PLOD2: variants seen among roughly 807,000 people sequenced by gnomAD.
The protein encoded by PLOD2 is procollagen-lysine,2-oxoglutarate 5-dioxygenase 2.
A neutral mutation model predicts 101.0 loss-of-function variants in PLOD2; 65 were observed. The observed-to-expected ratio is 0.64, with a 90% CI of 0.53 to 0.79. The LOEUF is 0.79. PLOD2 is among the 30% of genes least tolerant of loss of function. The pLI, the probability that PLOD2 is intolerant of heterozygous loss-of-function variation, is 0.00. For synonymous variants in PLOD2, 314 were observed against 302.9 expected, an observed-to-expected ratio of 1.04 and a Z score of -0.38; for missense variants, 909 against 914.6, an observed-to-expected ratio of 0.99 and a Z score of 0.08.
chr3:146,159,416 T>C (rs1052609724), intron 1 of PLOD2, among the ~76,000 whole-genome samples: 14 of 152,214 alleles, frequency 9.2e-5, no homozygotes, highest in Admixed American at 2.6e-4. Context: ...TTAGGGGTGT[T>C]GGCAATGAAG....
chr3:146,130,924 A>G (rs1559864836), intron 1 of PLOD2, among the ~76,000 whole-genome samples: 1 of 152,190 alleles, frequency 6.6e-6, no homozygotes, highest in Non-Finnish European at 1.5e-5. Context: ...TGGTTTCCAG[A>G]TGGTCTTCCA....
At position 146,070,867 on chromosome 3, in the gene PLOD2, A is replaced by G. The variant is rs1344864014; in HGVS notation, c.2127T>C (p.Gly709=). 1 of 1,607,148 alleles carries G rather than the reference A, an allele frequency of 6.2e-7. No homozygotes were observed. Among genetic ancestry groups the G allele is most frequent in the Admixed American group, 1.7e-5 (1 of 59,592 alleles). ...AATTGTACCTTAGAAATTTGCAACC[A>G]CCTCCCTAAAAAAGTTAAAATGAAG... The part of the protein sequence containing the change: ...LNNVGEDFQG[G]GCKFLRYNCS... Residue 709 remains glycine (G), a synonymous_variant, in exon 20 of 20, where the codon GGT becomes GGC. Coordinates refer to ENST00000282903, the MANE Select transcript of PLOD2 (RefSeq NM_182943.3).
At chr3:146,086,939 A>G (rs751265973) in intron 9 of PLOD2, 31 bp from the exon 10 acceptor site, 1 of 1,325,718 alleles carries the variant, frequency 7.5e-7, no homozygotes, top group Non-Finnish European at 1.1e-6. Context: ...CAAAAATTAG[A>G]GAATAAGACA....
chr3:146,111,029 A>G (rs987236466), intron 3 of PLOD2, among the ~76,000 whole-genome samples: 40 of 85,258 alleles, frequency 4.7e-4, no homozygotes, highest in African/African-American at 1.7e-3. Context: ...AAAAACTGAC[A>G]CTATAATTTA....
intron 15 of PLOD2, among the ~76,000 whole-genome samples, chr3:146,075,099 T>C (rs1409003848): frequency 6.6e-6 from 1 of 151,654 alleles, no homozygotes; most frequent in Non-Finnish European, 1.5e-5. Flanking sequence ...AAGTGAAATA[T>C]GGAATTCTAC....
At chr3:146,100,413 G>A (rs1283729699) in intron 7 of PLOD2, among the ~76,000 whole-genome samples, 1 of 152,136 alleles carries the variant, frequency 6.6e-6, no homozygotes, top group Non-Finnish European at 1.5e-5. Flanking sequence ...CAGAAAACAG[G>A]CAAATATCAT....
chr3:146,095,964 C>A (rs1338058801), intron 7 of PLOD2, among the ~76,000 whole-genome samples: 2 of 142,750 alleles, frequency 1.4e-5, no homozygotes, highest in African/African-American at 5.1e-5. Flanking sequence ...CTGCTGCCAT[C>A]TCGGCTCACT....
At chr3:146,079,279 TC>T in intron 12 of PLOD2, 22 bp from the exon 13 acceptor site, 1 of 1,569,404 alleles carries the variant, frequency 6.4e-7, no homozygotes, top group Non-Finnish European at 8.8e-7. Flanking sequence ...GAGAAGACAT[TC>T]TTATATACCA....
rs1381712646 is a variant in PLOD2, at chr3:146,110,185, T to A, written c.502+100A>T. 3 of 980,140 alleles carry A rather than the reference T, an allele frequency of 3.1e-6. No individual in the cohort carries two copies. In the Admixed American group the frequency reaches 5.3e-5, roughly 17 times the overall value. 60.7% of individuals were successfully genotyped at this position (980,140 alleles called of 1,614,324 possible). On this transcript the variant is annotated intron_variant, in intron 4 of 19. Transcript: ENST00000282903. ...AATATACTAATAATAAAATAAGGGTTATTTAAAACTTCATATCTAAAGTTA... is the reference window on the plus strand; with the variant it reads ...AATATACTAATAATAAAATAAGGGTAATTTAAAACTTCATATCTAAAGTTA...
intron 12 of PLOD2, among the ~76,000 whole-genome samples, chr3:146,081,252 A>T (rs879385734): frequency 1.2e-4 from 18 of 151,644 alleles, no homozygotes; most frequent in Non-Finnish European, 1.6e-4. Context: ...TAATATTGGT[A>T]AAAAAAACTT....
chr3:146,071,229 G>C, intron 18 of PLOD2, 48 bp downstream of exon 18: 1 of 1,610,830 alleles, frequency 6.2e-7, no homozygotes, highest in Non-Finnish European at 8.5e-7. Context: ...AAGAACACCT[G>C]TGTAAAAATG....
intron 1 of PLOD2, among the ~76,000 whole-genome samples, chr3:146,151,376 A>C (rs955821941): frequency 2.6e-5 from 4 of 152,194 alleles, no homozygotes; most frequent in Non-Finnish European, 4.4e-5. Context: ...GCATGCCTGT[A>C]ATCCCAGCAA....
At chr3:146,088,482 CA>C in intron 9 of PLOD2, 103 bp downstream of exon 9, 1 of 807,262 alleles carries the variant, frequency 1.2e-6, no homozygotes, top group South Asian at 1.6e-5. Context: ...AAAAATCCTC[CA>C]CTGAACTTAA....
rs766067972 is a variant in PLOD2, at chr3:146,110,423, G to A, written c.364C>T (p.Pro122Ser). ...TGGAATTTTTTTAGAACTTCTTCTG[G>A]ACCACCAGCAAATATGACATCAAAG... ...ECFDVIFAGG[P>S]EEVLKKFQKA... The change falls in exon 4 of 20, where the codon CCA (proline) becomes TCA (serine). Residue 122 changes from proline to serine, a missense_variant. Physicochemically the swap from Pro to Ser is moderately conservative, Grantham distance 74 (BLOSUM62 -1). Coordinates refer to ENST00000282903, the MANE Select transcript of PLOD2 (RefSeq NM_182943.3). 2.0e-5 allele frequency: 33 copies of A among 1,612,990 alleles called. No homozygotes were observed. The highest frequency in any genetic ancestry group is 2.5e-6 in the Non-Finnish European group (3 of 1,179,668).
At chr3:146,090,018 T>C (rs945617832) in intron 8 of PLOD2, among the ~76,000 whole-genome samples, 3 of 151,526 alleles carry the variant, frequency 2.0e-5, no homozygotes, top group African/African-American at 7.2e-5. Flanking sequence ...TTCATGTTTA[T>C]ATAACAACAA....
At chr3:146,131,914 C>T (rs146878175) in intron 1 of PLOD2, among the ~76,000 whole-genome samples, 9 of 142,176 alleles carry the variant, frequency 6.3e-5, no homozygotes, top group East Asian at 2.1e-4. Flanking sequence ...GAGTAATTCA[C>T]GTCACAATTT....
intron 7 of PLOD2, among the ~76,000 whole-genome samples, chr3:146,096,618 G>A (rs1462401773): frequency 4.4e-5 from 4 of 90,886 alleles, no homozygotes; most frequent in African/African-American, 1.4e-4. Flanking sequence ...CGGCCGCTCC[G>A]TCTGAGAAGT....
chr3:146,133,533 A>C (rs909185808), intron 1 of PLOD2, among the ~76,000 whole-genome samples: 5 of 152,154 alleles, frequency 3.3e-5, no homozygotes, highest in African/African-American at 7.2e-5. Flanking sequence ...ATGACCTAAA[A>C]GGTAAGAACT....
chr3:146,110,547 C>T, intron 3 of PLOD2, 99 bp from the exon 4 acceptor site: 2 of 916,998 alleles, frequency 2.2e-6, no homozygotes, highest in Non-Finnish European at 3.3e-6. Context: ...ATCAAGAATA[C>T]AATGCAAGAT....
Sources: allele counts gnomAD v4.1 joint callset (sites outside exome capture counted in the v4.1 genomes callset), GRCh38; gene constraint gnomAD v4.1.1; transcripts MANE v1.5; gene names NCBI Gene and HGNC (gene_info 2026-07-23, HGNC 2026-07-21).